TASP1: variants seen among roughly 807,000 people sequenced by gnomAD.
TASP1 encodes taspase 1, also known as threonine aspartase 1.
Under a neutral mutation model 56.6 loss-of-function variants are expected in TASP1, and 16 were observed. The observed-to-expected ratio is 0.28, with a 90% CI of 0.19 to 0.43. The LOEUF (loss-of-function observed/expected upper bound fraction) is 0.43, where lower values mean the gene tolerates loss of function less well. TASP1 is among the 20% of genes least tolerant of loss of function. The pLI is 1.00. For missense variants in TASP1, 393 were observed against 511.6 expected, an observed-to-expected ratio of 0.77 and a Z score of 2.24; for synonymous variants, 179 against 184.2, an observed-to-expected ratio of 0.97 and a Z score of 0.23.
chr20:13,441,520 T>G (rs2043211784), intron 11 of TASP1, among the ~76,000 whole-genome samples: 1 of 152,140 alleles, frequency 6.6e-6, no homozygotes, highest in South Asian at 2.1e-4. Flanking sequence ...TGTGATAATC[T>G]GAGGAAAGAC....
chr20:13,292,359 C>A, the TASP1 span: 1 of 1,554,866 alleles, frequency 6.4e-7, no homozygotes. Flanking sequence ...AAAATGAGCT[C>A]TTGTCTGTGT....
chr20:13,262,169 C>T, the TASP1 span, among the ~76,000 whole-genome samples: 4 of 152,092 alleles, frequency 2.6e-5, no homozygotes, highest in African/African-American at 7.2e-5. Flanking sequence ...ATAATCCACA[C>T]TCATTAAATA....
At chr20:13,328,331 A>G in the TASP1 span, among the ~76,000 whole-genome samples, 2 of 152,184 alleles carry the variant, frequency 1.3e-5, no homozygotes, top group Non-Finnish European at 2.9e-5. Flanking sequence ...GGTTGCAGAG[A>G]AAAAGGAACC....
intron 10 of TASP1, among the ~76,000 whole-genome samples, chr20:13,493,431 T>G (rs1344211366): frequency 6.6e-6 from 1 of 152,136 alleles, no homozygotes; most frequent in African/African-American, 2.4e-5. Context: ...GGGATAACTT[T>G]GTTTGCTGGG....
chr20:13,373,376 T>C, the TASP1 span, among the ~76,000 whole-genome samples: 2 of 152,132 alleles, frequency 1.3e-5, no homozygotes, highest in East Asian at 3.8e-4. Context: ...TCAATTTCCA[T>C]CTGGGTTTAC....
intron 4 of TASP1, among the ~76,000 whole-genome samples, chr20:13,616,298 C>G (rs6042249): frequency 0.032 from 4,873 of 152,160 alleles, 215 homozygotes; most frequent in African/African-American, 0.096. Context: ...TAGCTCAAAA[C>G]TGAATTCCAA....
chr20:13,225,002 C>A, the TASP1 span, among the ~76,000 whole-genome samples: 19 of 147,794 alleles, frequency 1.3e-4, no homozygotes, highest in Admixed American at 1.1e-3. Context: ...CCTGCCACCA[C>A]GCCCGGCTAA....
At chr20:13,170,970 C>T in the TASP1 span, among the ~76,000 whole-genome samples, 1 of 152,148 alleles carries the variant, frequency 6.6e-6, no homozygotes, top group African/African-American at 2.4e-5. Context: ...AACTATGACC[C>T]CAGCATGAAT....
the TASP1 span, among the ~76,000 whole-genome samples, chr20:13,246,942 A>G: frequency 6.6e-6 from 1 of 151,586 alleles, no homozygotes; most frequent in East Asian, 1.9e-4. Flanking sequence ...TTAAAAATAT[A>G]TATATGTATA....
the TASP1 span, among the ~76,000 whole-genome samples, chr20:13,275,738 CT>C: frequency 6.6e-6 from 1 of 152,200 alleles, no homozygotes; most frequent in Non-Finnish European, 1.5e-5. Flanking sequence ...ATAGGATAAG[CT>C]TCCTAGAACG....
chr20:13,488,946 T>A (rs2043423267), intron 10 of TASP1, among the ~76,000 whole-genome samples: 1 of 152,042 alleles, frequency 6.6e-6, no homozygotes, highest in African/African-American at 2.4e-5. Context: ...CCCAAAAACC[T>A]CCCTGCTGCT....
At chr20:13,154,033 A>T in the TASP1 span, 2 of 1,614,100 alleles carry the variant, frequency 1.2e-6, no homozygotes, top group South Asian at 2.2e-5. Flanking sequence ...CTTGCGAAAA[A>T]CACAAGATAC....
At chr20:13,303,489 T>C in the TASP1 span, among the ~76,000 whole-genome samples, 3 of 152,216 alleles carry the variant, frequency 2.0e-5, no homozygotes, top group Admixed American at 1.3e-4. Context: ...ATAAGCCCTG[T>C]GCTAACTGCT....
intron 5 of TASP1, among the ~76,000 whole-genome samples, chr20:13,584,626 A>C (rs758292448): frequency 2.0e-5 from 3 of 152,220 alleles, no homozygotes; most frequent in Non-Finnish European, 4.4e-5. Flanking sequence ...TCCAGAATAC[A>C]TATTCTTTTG....
chr20:13,390,907 G>C (rs1486242652), intron 13 of TASP1, among the ~76,000 whole-genome samples: 2 of 152,130 alleles, frequency 1.3e-5, no homozygotes, highest in Admixed American at 1.3e-4. Context: ...AATTTCAGTA[G>C]CTTACAAAAA....
chr20:13,156,346 G>A, the TASP1 span, among the ~76,000 whole-genome samples: 9 of 152,160 alleles, frequency 5.9e-5, no homozygotes, highest in South Asian at 4.1e-4. Context: ...AGAAGAGTCC[G>A]TAAGTAGTGA....
chr20:13,493,461 C>G (rs1037015184), intron 10 of TASP1, among the ~76,000 whole-genome samples: 1 of 152,182 alleles, frequency 6.6e-6, no homozygotes, highest in Non-Finnish European at 1.5e-5. Context: ...TTTTCCCTTT[C>G]CTATACTGGA....
the TASP1 span, among the ~76,000 whole-genome samples, chr20:13,333,734 T>C: frequency 2.6e-5 from 4 of 152,220 alleles, no homozygotes; most frequent in Non-Finnish European, 4.4e-5. Context: ...TTACACAACA[T>C]AAAAAGTATT....
chr20:13,302,900 C>G, the TASP1 span, among the ~76,000 whole-genome samples: 1 of 151,892 alleles, frequency 6.6e-6, no homozygotes, highest in African/African-American at 2.4e-5. Flanking sequence ...TTCATGTAAC[C>G]GCCATGATTA....
Sources: gnomAD v4.1 joint callset for allele counts (sites outside exome capture counted in the v4.1 genomes callset) on GRCh38, gnomAD v4.1.1 for gene constraint, MANE v1.5 for transcripts, NCBI Gene and HGNC (gene_info 2026-07-23, HGNC 2026-07-21) for gene names.